The following GUCA1C variants were observed in gnomAD, a reference collection of about 807,000 sequenced individuals.
GUCA1C encodes guanylate cyclase activator 1C.
GUCA1C carries 15 observed loss-of-function variants against 16.2 expected under a neutral mutation model. That is an observed-to-expected ratio of 0.93 (90% CI 0.62 to 1.43). GUCA1C has a LOEUF of 1.43. GUCA1C is among the 40% of genes most tolerant of loss of function. GUCA1C has a pLI of 0.00. For missense variants in GUCA1C, 275 were observed against 244.8 expected, an observed-to-expected ratio of 1.12 and a Z score of -0.82; for synonymous variants, 78 against 85.4, an observed-to-expected ratio of 0.91 and a Z score of 0.48.
intron 1 of GUCA1C, among the ~76,000 whole-genome samples, chr3:108,935,885 C>T (rs576782059): frequency 6.6e-6 from 1 of 152,246 alleles, no homozygotes; most frequent in South Asian, 2.1e-4. Context: ...AATATATGGT[C>T]TTCAGGCAAT....
chr3:108,922,602 C>A (rs923246473), intron 1 of GUCA1C, among the ~76,000 whole-genome samples: 13 of 152,080 alleles, frequency 8.5e-5, no homozygotes, highest in African/African-American at 3.1e-4. Flanking sequence ...TTATTTTAAA[C>A]ATTTTTCCAT....
intron 1 of GUCA1C, among the ~76,000 whole-genome samples, chr3:108,925,207 G>A (rs2593974): frequency 0.25 from 38,195 of 151,424 alleles, 5,330 homozygotes; most frequent in Middle Eastern, 0.36. Flanking sequence ...ATCCAGTTCC[G>A]TGAGGTGTGA....
intron 1 of GUCA1C, among the ~76,000 whole-genome samples, chr3:108,934,225 C>CA (rs1244535935): frequency 1.3e-5 from 2 of 152,146 alleles, no homozygotes; most frequent in African/African-American, 4.8e-5. Flanking sequence ...ATACATAATG[C>CA]ATTCAGGGCT....
At chr3:108,915,194 G>A (rs1946495624) in intron 3 of GUCA1C, among the ~76,000 whole-genome samples, 1 of 152,188 alleles carries the variant, frequency 6.6e-6, no homozygotes, top group Non-Finnish European at 1.5e-5. Context: ...CTCAACATGG[G>A]AACATGTGTC....
intron 1 of GUCA1C, among the ~76,000 whole-genome samples, chr3:108,942,152 C>A (rs552876242): frequency 1.3e-5 from 2 of 152,216 alleles, no homozygotes; most frequent in Admixed American, 6.5e-5. Context: ...TGTGTAAATG[C>A]GGATGAGAAA....
At chr3:108,950,224 CCT>C (rs1330840322) in intron 1 of GUCA1C, among the ~76,000 whole-genome samples, 8 of 152,268 alleles carry the variant, frequency 5.3e-5, no homozygotes, top group Middle Eastern at 3.4e-3. Context: ...ACAGGATTTC[CCT>C]GTTTTTTTAA....
chr3:108,924,662 T>C (rs1946604867), intron 1 of GUCA1C, among the ~76,000 whole-genome samples: 1 of 152,106 alleles, frequency 6.6e-6, no homozygotes, highest in South Asian at 2.1e-4. Flanking sequence ...AATAGAAGGA[T>C]TTAGGGAGGA....
In GUCA1C at chr3:108,942,355, A is replaced by T. The variant is rs573101438; in HGVS notation, c.204+11204T>A. ...CCTTTCCTAACTAAGTCCATCGCTC[A>T]ACCTCTGCTGCATCTTCTGATCCCA... On this transcript the variant is annotated intron_variant, in intron 1 of 3. Transcript: ENST00000261047. 9.8e-5 allele frequency among the ~76,000 whole-genome samples: 15 copies of T among 152,306 alleles called. No individual in the cohort carries two copies. The South Asian group carries it at 1.7e-3, about 17-fold the overall frequency.
intron 1 of GUCA1C, among the ~76,000 whole-genome samples, chr3:108,921,402 T>C (rs2107285689): frequency 6.6e-6 from 1 of 152,336 alleles, no homozygotes; most frequent in South Asian, 2.1e-4. Context: ...AAAGTTGCTA[T>C]AAATATCTAT....
At chr3:108,923,421 T>G (rs1946589778) in intron 1 of GUCA1C, among the ~76,000 whole-genome samples, 1 of 152,214 alleles carries the variant, frequency 6.6e-6, no homozygotes, top group Non-Finnish European at 1.5e-5. Flanking sequence ...TTTCCCCCAC[T>G]TTATGTTTTT....
At chr3:108,926,618 C>T (rs1372146683) in intron 1 of GUCA1C, among the ~76,000 whole-genome samples, 4 of 152,064 alleles carry the variant, frequency 2.6e-5, no homozygotes, top group African/African-American at 9.7e-5. Flanking sequence ...GTAGCTGGGA[C>T]TACAGGTGCA....
intron 1 of GUCA1C, among the ~76,000 whole-genome samples, chr3:108,944,011 A>G (rs1158727127): frequency 6.6e-6 from 1 of 152,138 alleles, no homozygotes; most frequent in Non-Finnish European, 1.5e-5. Flanking sequence ...AACCAAATTT[A>G]AAATAAGCAT....
At chr3:108,951,520 T>A (rs1326265750) in intron 1 of GUCA1C, among the ~76,000 whole-genome samples, 1 of 152,226 alleles carries the variant, frequency 6.6e-6, no homozygotes, top group East Asian at 1.9e-4. Flanking sequence ...AGTAAATCTT[T>A]GGGGATTCTG....
intron 1 of GUCA1C, among the ~76,000 whole-genome samples, chr3:108,931,862 CTTCT>C (rs1409704053): frequency 5.4e-5 from 6 of 111,486 alleles, no homozygotes; most frequent in African/African-American, 6.7e-5. Context: ...TTTTTTCTTC[CTTCT>C]TTTTTTTTTT....
intron 2 of GUCA1C, among the ~76,000 whole-genome samples, chr3:108,919,408 T>C (rs1946549593): frequency 6.6e-6 from 1 of 152,208 alleles, no homozygotes. Flanking sequence ...ATAGAATATT[T>C]GATTTCTAAT....
upstream of GUCA1C, among the ~76,000 whole-genome samples, chr3:108,955,186 G>T (rs114857613): frequency 2.0e-3 from 301 of 152,230 alleles, 2 homozygotes; most frequent in African/African-American, 6.9e-3. Context: ...AGCCATCATG[G>T]CCTAAATGAA....
intron 1 of GUCA1C, among the ~76,000 whole-genome samples, chr3:108,945,582 A>G (rs557484179): frequency 1.3e-5 from 2 of 152,310 alleles, no homozygotes; most frequent in East Asian, 3.9e-4. Flanking sequence ...ACAGATCTTA[A>G]TTTTGAGAGG....
chr3:108,944,192 G>A (rs1426285454), intron 1 of GUCA1C, among the ~76,000 whole-genome samples: 1 of 152,170 alleles, frequency 6.6e-6, no homozygotes, highest in Non-Finnish European at 1.5e-5. Context: ...AGGAGGGAAA[G>A]AGAGGAATGG....
intron 1 of GUCA1C, among the ~76,000 whole-genome samples, chr3:108,935,504 C>T (rs1015283689): frequency 2.0e-5 from 3 of 151,498 alleles, no homozygotes; most frequent in South Asian, 2.1e-4. Context: ...TCCTGGCTAA[C>T]GTGGTGAAAC....
Sources: allele counts gnomAD v4.1 joint callset (sites outside exome capture counted in the v4.1 genomes callset), GRCh38; gene constraint gnomAD v4.1.1; transcripts MANE v1.5; gene names NCBI Gene and HGNC (gene_info 2026-07-23, HGNC 2026-07-21).